Variants in SORBS2 observed in about 807,000 individuals in gnomAD.
SORBS2 encodes the protein sorbin and SH3 domain-containing protein 2.
A neutral mutation model predicts 97.7 loss-of-function variants in SORBS2; 46 were observed. The ratio of observed to expected loss-of-function variants is 0.47; its 90% CI spans 0.37 to 0.60. The LOEUF (loss-of-function observed/expected upper bound fraction) is 0.60. Ranked by LOEUF, SORBS2 falls within the 20% of genes least tolerant of loss-of-function variation. SORBS2 has a pLI of 0.00. For missense variants in SORBS2, 1,316 were observed against 1,282.3 expected (o/e 1.03, Z -0.40); for synonymous variants, 476 against 473.4 (o/e 1.01, Z -0.07).
chr4:185,643,251 A>G (rs2097156514), intron 4 of SORBS2, among the ~76,000 whole-genome samples: 1 of 152,130 alleles, frequency 6.6e-6, no homozygotes, highest in African/African-American at 2.4e-5. Context: ...CATGTGAAGG[A>G]AGAGGTGGTG....
intron 1 of SORBS2, among the ~76,000 whole-genome samples, chr4:185,887,154 A>G (rs2099240099): frequency 6.6e-6 from 1 of 152,216 alleles, no homozygotes; most frequent in Non-Finnish European, 1.5e-5. Flanking sequence ...AGCCCATATA[A>G]TAAACTTGGC....
chr4:185,704,985 T>C (rs1189707646), intron 2 of SORBS2, among the ~76,000 whole-genome samples: 4 of 152,168 alleles, frequency 2.6e-5, no homozygotes, highest in African/African-American at 9.7e-5. Context: ...GATGTTCCAG[T>C]GTCACACAGG....
chr4:185,643,401 C>T (rs1383092002), intron 4 of SORBS2, among the ~76,000 whole-genome samples: 1 of 152,040 alleles, frequency 6.6e-6, no homozygotes, highest in Non-Finnish European at 1.5e-5. Context: ...CAGCTGGAGC[C>T]CAGTCACAGG....
intron 1 of SORBS2, among the ~76,000 whole-genome samples, chr4:185,876,571 T>G (rs555115547): frequency 6.6e-6 from 1 of 152,348 alleles, no homozygotes; most frequent in South Asian, 2.1e-4. Context: ...TTTAATCCTA[T>G]GCTTGAAAGA....
chr4:185,875,253 T>A (rs984503613), intron 1 of SORBS2, among the ~76,000 whole-genome samples: 3 of 152,192 alleles, frequency 2.0e-5, no homozygotes, highest in African/African-American at 7.2e-5. Flanking sequence ...ATTTTAAGTG[T>A]TCTCACCACA....
Position 185,783,197 on chromosome 4 carries a change from A to G in SORBS2, c.-337-7831T>C, listed in dbSNP as rs546848845. On this transcript the variant is annotated intron_variant, in intron 1 of 20. Coordinates refer to the SORBS2 transcript ENST00000284776. ...CAGTTGACCAGCATTCAAGAGGTAG[A>G]AGGAACTATAGATTCCTTATATCAA... 2.6e-5 allele frequency among the ~76,000 whole-genome samples: 4 copies of G among 152,364 alleles called. No individual in the cohort carries two copies. In the East Asian group the frequency reaches 7.7e-4, roughly 29 times the overall value.
At chr4:185,819,367 G>A (rs752724533) in intron 1 of SORBS2, among the ~76,000 whole-genome samples, 1 of 152,224 alleles carries the variant, frequency 6.6e-6, no homozygotes, top group South Asian at 2.1e-4. Flanking sequence ...AGAGGAGAGG[G>A]AGAGCCAAGG....
At position 185,898,170 on chromosome 4, in the gene SORBS2, G is replaced by A. The variant is rs540610933; in HGVS notation, c.-338+58026C>T. Reference sequence around the variant, plus strand: ...TGCCTTTAATGACTGTTTTCTGATTGACATCCCATTACTGCCTGAAGGCAA... The same window carrying A: ...TGCCTTTAATGACTGTTTTCTGATTAACATCCCATTACTGCCTGAAGGCAA... On this transcript the variant is annotated intron_variant, in intron 1 of 20. Coordinates refer to the SORBS2 transcript ENST00000284776. 9.2e-5 allele frequency among the ~76,000 whole-genome samples: 14 copies of A among 152,276 alleles called. No individual in the cohort carries two copies. In the South Asian group the frequency reaches 2.9e-3, roughly 32 times the overall value.
At chr4:185,919,259 A>G (rs919427440) in intron 1 of SORBS2, 1 of 152,128 alleles carries the variant, frequency 6.6e-6, no homozygotes, top group African/African-American at 2.4e-5. Flanking sequence ...TTGATTACAT[A>G]AGTGTTCTGC....
At chr4:185,889,203 C>T (rs2099241237) in intron 1 of SORBS2, among the ~76,000 whole-genome samples, 2 of 152,192 alleles carry the variant, frequency 1.3e-5, no homozygotes, top group Admixed American at 1.3e-4. Context: ...AGCCTCTAGC[C>T]ATTTTCTCCT....
intron 4 of SORBS2, among the ~76,000 whole-genome samples, chr4:185,669,260 T>C (rs569678001): frequency 4.6e-5 from 7 of 152,300 alleles, no homozygotes; most frequent in Non-Finnish European, 8.8e-5. Flanking sequence ...ATCAAGCCCG[T>C]GTTGGATGAC....
Position 185,684,818 on chromosome 4 carries a change from G to A in SORBS2, c.-197-5996C>T, listed in dbSNP as rs1399197034. 1.9e-6 allele frequency: 3 copies of A among 1,551,906 alleles called. No homozygotes were observed. The highest frequency in any genetic ancestry group is 1.7e-6 in the Non-Finnish European group (2 of 1,147,042). On this transcript the variant is annotated intron_variant, in intron 2 of 20. Transcript: ENST00000284776. This position sits in a 1 kb window ranked among gnomAD's most constrained non-coding sequence, Gnocchi z 4.2. ...CAGATGTTAGCGTAACAGACATGGC[G>A]GCACGTTTGCGAGCACACCCACCGC...
intron 1 of SORBS2, among the ~76,000 whole-genome samples, chr4:185,784,835 A>G (rs1334952657): frequency 1.3e-5 from 2 of 152,250 alleles, no homozygotes; most frequent in Non-Finnish European, 2.9e-5. Context: ...CCGGCCCATT[A>G]TCATTTCCTA....
At chr4:185,784,128 C>T (rs1187853751) in intron 1 of SORBS2, among the ~76,000 whole-genome samples, 1 of 151,996 alleles carries the variant, frequency 6.6e-6, no homozygotes, top group Non-Finnish European at 1.5e-5. Flanking sequence ...AGAGGGCTTC[C>T]TTGTCCTTTT....
In SORBS2 at chr4:185,896,016, C is replaced by G. The variant is rs190455345; in HGVS notation, c.-338+60180G>C. The stretch of plus-strand genomic sequence containing the variant: ...GTTTGAAATCTCATTGAGTAGAAAT[C>G]CCATTGACCACAATTATCCAGCTCT... On this transcript the variant is annotated intron_variant, in intron 1 of 20. Transcript: ENST00000284776. 5.3e-3 allele frequency among the ~76,000 whole-genome samples: 806 copies of G among 152,252 alleles called. 24 individuals are homozygous for G. The highest frequency in any genetic ancestry group is 0.047 in the Admixed American group (715 of 15,302).
chr4:185,612,574 G>A (rs1295265021), intron 11 of SORBS2, among the ~76,000 whole-genome samples: 3 of 148,462 alleles, frequency 2.0e-5, no homozygotes, highest in Non-Finnish European at 3.0e-5. Flanking sequence ...ACTGCAACCC[G>A]CACCTCCTGG....
intron 2 of SORBS2, among the ~76,000 whole-genome samples, chr4:185,695,427 A>AACAT (rs1177333776): frequency 6.6e-6 from 1 of 152,206 alleles, no homozygotes; most frequent in Non-Finnish European, 1.5e-5. Flanking sequence ...TTTTGAAATT[A>AACAT]ACATATTCAC....
chr4:185,687,778 T>C (rs2097997719), intron 2 of SORBS2, among the ~76,000 whole-genome samples: 1 of 152,250 alleles, frequency 6.6e-6, no homozygotes, highest in Non-Finnish European at 1.5e-5. Flanking sequence ...ATTCTAAAAC[T>C]TGAGGCATTT....
At chr4:185,910,935 A>T (rs2099254668) in intron 1 of SORBS2, among the ~76,000 whole-genome samples, 1 of 151,942 alleles carries the variant, frequency 6.6e-6, no homozygotes, top group South Asian at 2.1e-4. Context: ...CTCGTTTCTT[A>T]TATACAATGC....
Sources: gnomAD v4.1 joint callset for allele counts (sites outside exome capture counted in the v4.1 genomes callset) on GRCh38, gnomAD v4.1.1 for gene constraint, Gnocchi (gnomAD v3.1) non-coding constraint, MANE v1.5 for transcripts, NCBI Gene and HGNC (gene_info 2026-07-23, HGNC 2026-07-21) for gene names.